Variants in PDZRN3 observed in about 807,000 individuals in gnomAD.
PDZRN3 encodes E3 ubiquitin-protein ligase PDZRN3.
Under a neutral mutation model 85.7 loss-of-function variants are expected in PDZRN3, and 38 were observed. That is an observed-to-expected ratio of 0.44 (90% confidence interval 0.34 to 0.58). The LOEUF (loss-of-function observed/expected upper bound fraction) is 0.58. Ranked by LOEUF, PDZRN3 falls within the 20% of genes least tolerant of loss-of-function variation. The probability of loss-of-function intolerance (pLI) is 0.01; values close to 1 mark genes in which losing one functional copy is unlikely to be tolerated. For missense variants in PDZRN3, 1,629 were observed against 1,506.4 expected (o/e 1.08, Z -1.35); for synonymous variants, 759 against 638.0 (o/e 1.19, Z -2.86).
chr3:73,550,618 T>A (rs1385454155), intron 3 of PDZRN3, among the ~76,000 whole-genome samples: 2 of 152,216 alleles, frequency 1.3e-5, no homozygotes, highest in Admixed American at 1.3e-4. Flanking sequence ...TAACTGCAAG[T>A]AGTTACCCCA....
Position 73,496,675 on chromosome 3 carries a change from A to G in PDZRN3, c.919-92280T>C, listed in dbSNP as rs144053156. ...TCCATATTCAAATTTCAACACACAA[A>G]AAGTCCTTTTATAGTTAGTAATAAA... On this transcript the variant is annotated intron_variant, in intron 3 of 9. Coordinates refer to ENST00000263666, the MANE Select transcript of PDZRN3 (RefSeq NM_015009.3). 6.3e-3 allele frequency among the ~76,000 whole-genome samples: 962 copies of G among 152,284 alleles called. 8 individuals are homozygous for G. Among genetic ancestry groups the G allele is most frequent in the African/African-American group, 0.021 (888 of 41,550 alleles).
chr3:73,539,603 G>C (rs1391824383), intron 3 of PDZRN3, among the ~76,000 whole-genome samples: 1 of 152,068 alleles, frequency 6.6e-6, no homozygotes, highest in Non-Finnish European at 1.5e-5. Flanking sequence ...GAAAGCCACT[G>C]AGAGAGAGCC....
At chr3:73,494,069 A>T (rs926134329) in intron 3 of PDZRN3, among the ~76,000 whole-genome samples, 1 of 152,198 alleles carries the variant, frequency 6.6e-6, no homozygotes, top group African/African-American at 2.4e-5. Flanking sequence ...TAGCCAATGA[A>T]TTGTCATTTG....
chr3:73,397,262 T>C (rs1444300914), intron 5 of PDZRN3, among the ~76,000 whole-genome samples: 1 of 152,240 alleles, frequency 6.6e-6, no homozygotes, highest in Non-Finnish European at 1.5e-5. Context: ...ATACATATTT[T>C]CCTCGTATAT....
intron 3 of PDZRN3, among the ~76,000 whole-genome samples, chr3:73,594,998 T>C (rs1394782710): frequency 6.6e-6 from 1 of 152,188 alleles, no homozygotes; most frequent in African/African-American, 2.4e-5. Flanking sequence ...CTTGTTTATG[T>C]GCCCATGACA....
intron 3 of PDZRN3, among the ~76,000 whole-genome samples, chr3:73,440,470 C>G (rs916716381): frequency 2.0e-5 from 3 of 152,188 alleles, no homozygotes; most frequent in Non-Finnish European, 4.4e-5. Flanking sequence ...TTTGATGCGC[C>G]TTGATGTCAC....
chr3:73,506,350 T>C (rs185763852), intron 3 of PDZRN3, among the ~76,000 whole-genome samples: 26 of 152,294 alleles, frequency 1.7e-4, no homozygotes, highest in Non-Finnish European at 2.9e-4. Context: ...AGGGAATAAA[T>C]GTGTACAACA....
intron 3 of PDZRN3, among the ~76,000 whole-genome samples, chr3:73,564,128 ACT>A (rs1178049031): frequency 1.3e-5 from 2 of 152,106 alleles, no homozygotes; most frequent in Non-Finnish European, 2.9e-5. Flanking sequence ...AACCTGTATA[ACT>A]CTACATCAAA....
At chr3:73,565,466 TA>T (rs1243199557) in intron 3 of PDZRN3, among the ~76,000 whole-genome samples, 1 of 152,128 alleles carries the variant, frequency 6.6e-6, no homozygotes, top group African/African-American at 2.4e-5. Flanking sequence ...ACAAGTCACT[TA>T]ATCTCTTTAG....
intron 1 of PDZRN3, among the ~76,000 whole-genome samples, chr3:73,614,588 G>A (rs575063930): frequency 1.3e-5 from 2 of 152,142 alleles, no homozygotes; most frequent in African/African-American, 4.8e-5. Flanking sequence ...GTAACACCTC[G>A]CAGCCTCAGA....
At chr3:73,460,028 G>C (rs554347752) in intron 3 of PDZRN3, among the ~76,000 whole-genome samples, 1 of 152,266 alleles carries the variant, frequency 6.6e-6, no homozygotes, top group South Asian at 2.1e-4. Flanking sequence ...GTTATTGTTA[G>C]AATTCTCATA....
chr3:73,584,130 A>AG (rs1369315091), intron 3 of PDZRN3, among the ~76,000 whole-genome samples: 1 of 148,766 alleles, frequency 6.7e-6, no homozygotes, highest in Non-Finnish European at 1.5e-5. Context: ...AAATGAGGGG[A>AG]GAAAAAAAAA....
intron 8 of PDZRN3, among the ~76,000 whole-genome samples, 165 bp downstream of exon 8, chr3:73,387,803 G>T (rs746685047): frequency 2.0e-5 from 3 of 152,092 alleles, no homozygotes; most frequent in Admixed American, 2.0e-4. Context: ...ACCTTAAATG[G>T]CTAACTCATA....
intron 3 of PDZRN3, among the ~76,000 whole-genome samples, chr3:73,494,994 G>GGCAAGA (rs1193980614): frequency 6.6e-6 from 1 of 152,136 alleles, no homozygotes; most frequent in African/African-American, 2.4e-5. Context: ...ACATAAACAT[G>GGCAAGA]GCAACAGCAG....
rs1316595834 is a variant in PDZRN3, at chr3:73,400,992, T to G, written c.1184A>C (p.Glu395Ala). The G allele has an allele frequency of 2.5e-6, 4 of 1,612,958 alleles. No individual in the cohort carries two copies. The East Asian group carries it at 8.9e-5, about 36-fold the overall frequency. The stretch of plus-strand genomic sequence containing the variant: ...AATGTAGTCATTTGGATCGTAGTAT[T>G]CATGGGCTGAGGGATGCCTGAAAAG... ...LLPEEHPSAH[E>A]YYDPNDYIGD... Residue 395 changes from glutamate to alanine, a missense_variant, in exon 5 of 10, where the codon GAA (glutamate) becomes GCA (alanine). By Grantham distance (107) the Glu-to-Ala change is moderately radical. Coordinates refer to ENST00000263666, the MANE Select transcript of PDZRN3 (RefSeq NM_015009.3).
intron 3 of PDZRN3, chr3:73,569,567 CA>C: frequency 2.9e-6 from 3 of 1,043,526 alleles, no homozygotes; most frequent in Non-Finnish European, 3.5e-6. Context: ...CACACCCGCA[CA>C]CACATTGACA....
At chr3:73,547,934 G>C (rs952819436) in intron 3 of PDZRN3, among the ~76,000 whole-genome samples, 12 of 152,170 alleles carry the variant, frequency 7.9e-5, no homozygotes, top group African/African-American at 2.9e-4. Flanking sequence ...GGACACCAAA[G>C]AGCTCTTACA....
chr3:73,533,534 A>G (rs1315048128), intron 3 of PDZRN3, among the ~76,000 whole-genome samples: 2 of 152,126 alleles, frequency 1.3e-5, no homozygotes, highest in African/African-American at 4.8e-5. Flanking sequence ...AACTCAAAGG[A>G]CTTTAAAAAA....
intron 8 of PDZRN3, among the ~76,000 whole-genome samples, chr3:73,386,590 G>A (rs1476775696): frequency 6.6e-6 from 1 of 152,160 alleles, no homozygotes; most frequent in Non-Finnish European, 1.5e-5. Flanking sequence ...AATCCAGCCT[G>A]GTATTTTTAT....
Sources: gnomAD v4.1 joint callset for allele counts (sites outside exome capture counted in the v4.1 genomes callset) on GRCh38, gnomAD v4.1.1 for gene constraint, MANE v1.5 for transcripts, NCBI Gene and HGNC (gene_info 2026-07-23, HGNC 2026-07-21) for gene names.